ACSF2: variants seen among roughly 807,000 people sequenced by gnomAD.
The protein encoded by ACSF2 is acyl-CoA synthetase family member 2.
In ACSF2, 52 loss-of-function variants were observed where a neutral mutation model predicts 79.3. The observed-to-expected ratio is 0.66, with a 90% CI of 0.53 to 0.83. ACSF2 has a LOEUF of 0.83. Ranked by LOEUF, ACSF2 falls within the 40% of genes least tolerant of loss-of-function variation. ACSF2 has a pLI of 0.00. For synonymous variants in ACSF2, 283 were observed against 312.6 expected, an observed-to-expected ratio of 0.91 and a Z score of 1.00; for missense variants, 661 against 803.3, an observed-to-expected ratio of 0.82 and a Z score of 2.14.
At chr17:50,465,305 C>T (rs763595236) in intron 10 of ACSF2, 9 of 1,613,972 alleles carry the variant, frequency 5.6e-6, no homozygotes, top group South Asian at 4.4e-5. Context: ...TGTTTAATGG[C>T]GGCCAGCTTT....
chr17:50,462,912 C>G lies in ACSF2; in HGVS notation c.793-244C>G, dbSNP rs576092016. 118 of 585,200 alleles carry G rather than the reference C, an allele frequency of 2.0e-4. 5 individuals carry two copies. In the South Asian group the frequency reaches 2.5e-3, roughly 13 times the overall value. The allele number at this position is 585,200 out of a possible 1,614,324, so 36.3% of individuals were successfully genotyped here. On this transcript the variant is annotated intron_variant, in intron 6 of 15. Coordinates refer to ENST00000300441, the MANE Select transcript of ACSF2 (RefSeq NM_025149.6). The stretch of plus-strand genomic sequence containing the variant: ...ACGCAGAAGAGAGAATTTGCCCAAG[C>G]CAGCTTGTGGGTGGCAGAGTTCTCT...
In ACSF2 at chr17:50,465,264, A is replaced by C. The variant is rs777058833; in HGVS notation, c.1215+970A>C. The C allele has an allele frequency of 9.3e-6, 15 of 1,613,432 alleles. No homozygotes were observed. In the East Asian group the frequency reaches 3.1e-4, roughly 34 times the overall value. On this transcript the variant is annotated intron_variant, in intron 10 of 15. Transcript: ENST00000300441. ...CACTTGCTGGAATCACCAAAGAGGG[A>C]CATAGGGGACCTGTTTACCTGGCCC...
intron 1 of ACSF2, among the ~76,000 whole-genome samples, chr17:50,456,640 G>A (rs955061078): frequency 6.6e-6 from 1 of 152,142 alleles, no homozygotes; most frequent in African/African-American, 2.4e-5. Flanking sequence ...GCTGAGGCAG[G>A]AGAATCGTTT....
intron 1 of ACSF2, among the ~76,000 whole-genome samples, chr17:50,441,978 A>G (rs1045296990): frequency 1.3e-5 from 2 of 151,904 alleles, no homozygotes; most frequent in Non-Finnish European, 2.9e-5. Flanking sequence ...TAGCTGGGAC[A>G]CAGACACACA....
At chr17:50,458,704 G>T (rs1014895224) in intron 1 of ACSF2, among the ~76,000 whole-genome samples, 18 of 152,200 alleles carry the variant, frequency 1.2e-4, no homozygotes, top group Non-Finnish European at 1.5e-4. Flanking sequence ...TCTCTGTGGT[G>T]GGTGTTTCCT....
intron 1 of ACSF2, among the ~76,000 whole-genome samples, chr17:50,446,888 ATCGTTGATGGACAT>A (rs2031337941): frequency 6.6e-6 from 1 of 152,152 alleles, no homozygotes. Context: ...TATCTGTTCC[ATCGTTGATGGACAT>A]TTGGGTATTT....
At chr17:50,472,708 T>A in intron 12 of ACSF2, 129 bp downstream of exon 12, 1 of 1,151,192 alleles carries the variant, frequency 8.7e-7, no homozygotes, top group Non-Finnish European at 1.2e-6. Context: ...CATGCTGGAG[T>A]CTTAATTTCC....
At chr17:50,437,800 T>C (rs1408897494) in intron 1 of ACSF2, among the ~76,000 whole-genome samples, 1 of 152,196 alleles carries the variant, frequency 6.6e-6, no homozygotes, top group Non-Finnish European at 1.5e-5. Flanking sequence ...ATTTTCCCTC[T>C]TAAAACTTTC....
In ACSF2 at chr17:50,472,875, T is replaced by A. The variant is rs747152969; in HGVS notation, c.1475+296T>A. 109 of 259,414 alleles carry A rather than the reference T, an allele frequency of 4.2e-4. 1 individual carries two copies. The highest frequency in any genetic ancestry group is 5.7e-4 in the Non-Finnish European group (79 of 138,840). 16.1% of individuals were successfully genotyped at this position (259,414 alleles called of 1,614,324 possible). On this transcript the variant is annotated intron_variant, in intron 12 of 15. Coordinates refer to ENST00000300441, the MANE Select transcript of ACSF2 (RefSeq NM_025149.6). ...AATTCCTTATGTGCTAGCACCGTTC[T>A]CGCCGCTAGAGGTCCAGAGGAAAGT...
intron 1 of ACSF2, among the ~76,000 whole-genome samples, chr17:50,443,906 A>G (rs2031115965): frequency 6.6e-6 from 1 of 152,060 alleles, no homozygotes; most frequent in Non-Finnish European, 1.5e-5. Context: ...TCTTAAAATA[A>G]CCTCTCCCAC....
rs185973550 is a variant in ACSF2 at position 50,470,724 on chromosome 17, C to T, written c.1216-304C>T. On this transcript the variant is annotated intron_variant, in intron 10 of 15. Coordinates refer to ENST00000300441, the MANE Select transcript of ACSF2 (RefSeq NM_025149.6). ...TGGGGTGTTGGTAATACCGGAGCCACAGGCACAGACAGGTGGCTGCTCCAG... is the reference window on the plus strand; with the variant it reads ...TGGGGTGTTGGTAATACCGGAGCCATAGGCACAGACAGGTGGCTGCTCCAG... Among the ~76,000 whole-genome samples the T allele has an allele frequency of 2.6e-5, 4 of 152,052 alleles. No individual in the cohort carries two copies. In the East Asian group the frequency reaches 7.8e-4, roughly 29 times the overall value.
At chr17:50,434,680 C>T (rs915071398) in intron 1 of ACSF2, among the ~76,000 whole-genome samples, 6 of 151,706 alleles carry the variant, frequency 4.0e-5, no homozygotes, top group African/African-American at 1.2e-4. Flanking sequence ...AGCAAAACTC[C>T]GTCTCAAAAA....
chr17:50,463,611 T>C lies in ACSF2; in HGVS notation c.1046+59T>C, dbSNP rs1238050988. On this transcript the variant is annotated intron_variant, in intron 8 of 15. Coordinates refer to ENST00000300441, the MANE Select transcript of ACSF2 (RefSeq NM_025149.6). The surrounding 1 kb of genome is among the most constrained non-coding windows in gnomAD (Gnocchi z 4.6). ...ATAAAACCCTCTTCTTCCTCACTCC[T>C]GGGCCCTGACACCTTTCCAAGCTGC... 3.8e-6 allele frequency: 6 copies of C among 1,588,892 alleles called. No homozygotes were observed. The East Asian group carries it at 1.3e-4, about 36-fold the overall frequency.
Position 50,464,386 on chromosome 17 carries a change from C to T in ACSF2, c.1215+92C>T, listed in dbSNP as rs568156119. The T allele has an allele frequency of 3.9e-4, 496 of 1,288,058 alleles. 1 individual carries two copies. In the African/African-American group the frequency reaches 5.8e-3, roughly 15 times the overall value. 79.8% of individuals were successfully genotyped at this position (1,288,058 alleles called of 1,614,324 possible). A position where few individuals can be genotyped will look rare whatever the true frequency, so the allele number is the denominator to read the frequency against. ...TGGGGATGAGTCCAGGCCAGATGTT[C>T]AAAGGAGACCCTCTCAGCCAGCCCT... On this transcript the variant is annotated intron_variant, in intron 10 of 15. Transcript: ENST00000300441.
intron 1 of ACSF2, among the ~76,000 whole-genome samples, chr17:50,451,358 T>C (rs2031663900): frequency 6.6e-6 from 1 of 152,244 alleles, no homozygotes; most frequent in South Asian, 2.1e-4. Flanking sequence ...CACACTGTTT[T>C]CCAAGCAGCT....
chr17:50,471,036 T>A lies in ACSF2; in HGVS notation c.1224T>A (p.Tyr408Ter), dbSNP rs1193018171. The A allele has an allele frequency of 1.2e-6, 2 of 1,614,004 alleles. No individual in the cohort carries two copies. The highest frequency in any genetic ancestry group is 1.7e-6 in the Non-Finnish European group (2 of 1,179,908). ...CTTTCTGGACCCTCTAGGTTGCTTA[T>A]GGAACCACAGAGAACAGTCCCGTGA... is the stretch of plus-strand genomic sequence containing the variant. ...KINMKDLVVA[Y>*]GTTENSPVTF... The change falls in exon 11 of 16, where the codon TAT becomes TAA. Residue 408 changes from tyrosine (Y) to a stop codon, truncating the protein, a stop_gained. Transcript: ENST00000300441. LOFTEE classifies it high-confidence loss of function. This position sits in a 1 kb window ranked among gnomAD's most constrained non-coding sequence, Gnocchi z 4.1.
chr17:50,435,932 T>C (rs1200061945), intron 1 of ACSF2, among the ~76,000 whole-genome samples: 3 of 151,814 alleles, frequency 2.0e-5, no homozygotes, highest in Non-Finnish European at 4.4e-5. Flanking sequence ...GTGAGTGTTT[T>C]TTTTTGTTGT....
At chr17:50,442,910 A>C (rs1397962200) in intron 1 of ACSF2, among the ~76,000 whole-genome samples, 2 of 146,584 alleles carry the variant, frequency 1.4e-5, no homozygotes, top group African/African-American at 2.5e-5. Flanking sequence ...TTTAGGTTTT[A>C]TTTCTTTTTT....
intron 1 of ACSF2, among the ~76,000 whole-genome samples, chr17:50,442,996 G>A (rs1450532087): frequency 6.6e-6 from 1 of 150,566 alleles, no homozygotes; most frequent in African/African-American, 2.4e-5. Flanking sequence ...TACAACCTCC[G>A]CCTCCTGGGT....
Sources: gnomAD v4.1 joint callset for allele counts (sites outside exome capture counted in the v4.1 genomes callset) on GRCh38, gnomAD v4.1.1 for gene constraint, Gnocchi (gnomAD v3.1) non-coding constraint, MANE v1.5 for transcripts, NCBI Gene and HGNC (gene_info 2026-07-23, HGNC 2026-07-21) for gene names.